The following PLPPR1 variants were observed in gnomAD, a reference collection of about 807,000 sequenced individuals.
PLPPR1 encodes the protein phospholipid phosphatase related 1.
PLPPR1 carries 10 observed loss-of-function variants against 33.1 expected under a neutral mutation model. The ratio of observed to expected loss-of-function variants is 0.30; its 90% CI spans 0.19 to 0.51. PLPPR1 has a LOEUF of 0.51. PLPPR1 is among the 20% of genes least tolerant of loss of function. The probability of loss-of-function intolerance (pLI) is 0.97; values close to 1 mark genes in which losing one functional copy is unlikely to be tolerated. For missense variants in PLPPR1, 304 were observed against 408.1 expected, an observed-to-expected ratio of 0.74 and a Z score of 2.20; for synonymous variants, 151 against 151.0, an observed-to-expected ratio of 1.00 and a Z score of 0.00.
chr9:101,192,853 C>A (rs1826321817), intron 2 of PLPPR1, among the ~76,000 whole-genome samples: 1 of 152,086 alleles, frequency 6.6e-6, no homozygotes. Flanking sequence ...ATTGCAATGA[C>A]AAATATAAAG....
chr9:101,155,111 A>T lies in PLPPR1; in HGVS notation c.-45-30339A>T, dbSNP rs76335651. Among the ~76,000 whole-genome samples the T allele has an allele frequency of 9.8e-3, 445 of 45,376 alleles. 2 individuals carry two copies. Among genetic ancestry groups the T allele is most frequent in the African/African-American group, 0.026 (417 of 16,238 alleles). The allele number at this position is 45,376 out of a possible 152,430, so 29.8% of individuals were successfully genotyped here. A position where few individuals can be genotyped will look rare whatever the true frequency, so the allele number is the denominator to read the frequency against. On this transcript the variant is annotated intron_variant, in intron 1 of 7. Coordinates refer to ENST00000374874, the MANE Select transcript of PLPPR1 (RefSeq NM_207299.2). ...TGTACACTAAAACTTAAAGTATAAT[A>T]AAAAAAAAAGAAAATGAGATTGTCT...
chr9:101,061,876 C>T (rs1830351718), intron 1 of PLPPR1, among the ~76,000 whole-genome samples: 2 of 151,920 alleles, frequency 1.3e-5, no homozygotes, highest in Admixed American at 1.3e-4. Context: ...CCTCTAAAAT[C>T]TGAACGAAAT....
chr9:101,198,786 G>A (rs1430046980), intron 2 of PLPPR1, among the ~76,000 whole-genome samples: 1 of 152,212 alleles, frequency 6.6e-6, no homozygotes, highest in Non-Finnish European at 1.5e-5. Flanking sequence ...CATGGACCAA[G>A]ACCTATAAAG....
At chr9:101,173,271 A>G (rs1463947072) in intron 1 of PLPPR1, among the ~76,000 whole-genome samples, 1 of 152,162 alleles carries the variant, frequency 6.6e-6, no homozygotes, top group Non-Finnish European at 1.5e-5. Flanking sequence ...TTTTATATTA[A>G]TGAAATTGTT....
At chr9:101,203,702 T>G (rs1408494163) in intron 2 of PLPPR1, among the ~76,000 whole-genome samples, 1 of 151,636 alleles carries the variant, frequency 6.6e-6, no homozygotes, top group South Asian at 2.1e-4. Flanking sequence ...AGATACATTA[T>G]ATATCTATAT....
chr9:101,306,367 G>C (rs758619540), intron 4 of PLPPR1, among the ~76,000 whole-genome samples: 13 of 152,204 alleles, frequency 8.5e-5, no homozygotes, highest in Non-Finnish European at 1.6e-4. Context: ...TCTGTAATCA[G>C]AACAGGCAGG....
intron 1 of PLPPR1, among the ~76,000 whole-genome samples, chr9:101,170,945 AAAAAG>A (rs1036240545): frequency 6.6e-6 from 1 of 152,270 alleles, no homozygotes; most frequent in African/African-American, 2.4e-5. Flanking sequence ...GTCTCTTAAA[AAAAAG>A]AAAAGAAAAT....
intron 4 of PLPPR1, 30 bp downstream of exon 4, chr9:101,286,266 C>T (rs1828393364): frequency 1.9e-6 from 3 of 1,565,282 alleles, no homozygotes. Context: ...GAACTAAGCT[C>T]TCACATAAAA....
At chr9:101,120,783 A>G (rs1167051495) in intron 1 of PLPPR1, among the ~76,000 whole-genome samples, 2 of 152,196 alleles carry the variant, frequency 1.3e-5, no homozygotes, top group Non-Finnish European at 2.9e-5. Context: ...GGAAGAGAAT[A>G]TGGCCCTATG....
intron 1 of PLPPR1, among the ~76,000 whole-genome samples, chr9:101,184,668 G>T (rs549044184): frequency 2.0e-5 from 3 of 151,890 alleles, no homozygotes; most frequent in South Asian, 2.1e-4. Flanking sequence ...TTACTTCATT[G>T]TATTAAGAAG....
intron 1 of PLPPR1, among the ~76,000 whole-genome samples, chr9:101,174,517 T>C (rs1825991455): frequency 6.6e-6 from 1 of 152,124 alleles, no homozygotes; most frequent in African/African-American, 2.4e-5. Flanking sequence ...GAAGGGCATT[T>C]TTATTCTCTG....
At chr9:101,070,819 C>A (rs1830474558) in intron 1 of PLPPR1, among the ~76,000 whole-genome samples, 1 of 152,094 alleles carries the variant, frequency 6.6e-6, no homozygotes, top group South Asian at 2.1e-4. Flanking sequence ...TCAACGAGCG[C>A]ACAGATTTTG....
At chr9:101,218,491 A>C (rs1225836274) in intron 2 of PLPPR1, among the ~76,000 whole-genome samples, 1 of 152,162 alleles carries the variant, frequency 6.6e-6, no homozygotes, top group Non-Finnish European at 1.5e-5. Context: ...CCTATGACTC[A>C]GTTTATTTTT....
intron 2 of PLPPR1, among the ~76,000 whole-genome samples, chr9:101,213,335 G>A (rs1269754932): frequency 6.6e-6 from 1 of 152,034 alleles, no homozygotes; most frequent in East Asian, 1.9e-4. Context: ...GTTTAAGTAA[G>A]CAACCAGAAA....
At chr9:101,274,421 T>C (rs1828151605) in intron 3 of PLPPR1, among the ~76,000 whole-genome samples, 1 of 152,152 alleles carries the variant, frequency 6.6e-6, no homozygotes, top group Non-Finnish European at 1.5e-5. Flanking sequence ...CCCATTTGGT[T>C]CCACTTATTT....
At chr9:101,182,278 G>A (rs566839024) in intron 1 of PLPPR1, among the ~76,000 whole-genome samples, 62 of 151,684 alleles carry the variant, frequency 4.1e-4, no homozygotes, top group South Asian at 8.3e-4. Context: ...GTTGATCAAA[G>A]GGTGTAAAGT....
At chr9:101,043,154 C>T (rs1186113336) in intron 1 of PLPPR1, among the ~76,000 whole-genome samples, 3 of 151,894 alleles carry the variant, frequency 2.0e-5, no homozygotes, top group Non-Finnish European at 2.9e-5. Flanking sequence ...TGAGAACATA[C>T]GATGTTTGTT....
intron 1 of PLPPR1, among the ~76,000 whole-genome samples, chr9:101,060,669 A>T (rs956879901): frequency 3.3e-5 from 5 of 151,890 alleles, no homozygotes; most frequent in Non-Finnish European, 7.4e-5. Context: ...TTTTTAATGC[A>T]TTAAAAATAA....
At chr9:101,250,960 A>G (rs1827703533) in intron 2 of PLPPR1, among the ~76,000 whole-genome samples, 1 of 151,812 alleles carries the variant, frequency 6.6e-6, no homozygotes, top group South Asian at 2.1e-4. Context: ...TTTCAGTCTC[A>G]TCTCCTGGAC....
Sources: gnomAD v4.1 joint callset for allele counts (sites outside exome capture counted in the v4.1 genomes callset) on GRCh38, gnomAD v4.1.1 for gene constraint, MANE v1.5 for transcripts, NCBI Gene and HGNC (gene_info 2026-07-23, HGNC 2026-07-21) for gene names.